Variants in PTPN23 observed in about 807,000 individuals in gnomAD.
The protein encoded by PTPN23 is protein tyrosine phosphatase non-receptor type 23.
Under a neutral mutation model 156.3 loss-of-function variants are expected in PTPN23, and 72 were observed. The observed-to-expected ratio is 0.46, with a 90% CI of 0.38 to 0.56. The LOEUF (loss-of-function observed/expected upper bound fraction) is 0.56, where lower values mean the gene tolerates loss of function less well. PTPN23 is among the 20% of genes least tolerant of loss of function. The probability of loss-of-function intolerance (pLI) is 0.00; values close to 1 mark genes in which losing one functional copy is unlikely to be tolerated. For missense variants in PTPN23, 1,974 were observed against 2,171.5 expected (o/e 0.91, Z 1.81); for synonymous variants, 957 against 899.6 (o/e 1.06, Z -1.14).
chr3:47,409,403 C>G lies in PTPN23; in HGVS notation c.1798-14C>G, dbSNP rs1705210443. The G allele has an allele frequency of 1.9e-6, 3 of 1,613,984 alleles. No homozygotes were observed. Among genetic ancestry groups the G allele is most frequent in the East Asian group, 2.2e-5 (1 of 44,876 alleles). On this transcript the variant is annotated splice_polypyrimidine_tract_variant and intron_variant, in intron 17 of 24. Transcript: ENST00000265562. Reference sequence around the variant, plus strand: ...GCCCTGAGTGTCCGTCCCTGGCCCCCACCCCTTCCTCAGAAGTTGTTCGAG... The same window carrying G: ...GCCCTGAGTGTCCGTCCCTGGCCCCGACCCCTTCCTCAGAAGTTGTTCGAG...
chr3:47,394,636 G>C (rs1412491321), intron 1 of PTPN23, among the ~76,000 whole-genome samples: 1 of 152,154 alleles, frequency 6.6e-6, no homozygotes, highest in East Asian at 1.9e-4. Context: ...ACCTCACCCG[G>C]CCAGGAACAG....
intron 2 of PTPN23, among the ~76,000 whole-genome samples, chr3:47,399,054 G>A (rs149261344): frequency 2.6e-4 from 39 of 152,380 alleles, no homozygotes; most frequent in African/African-American, 9.1e-4. Flanking sequence ...TCCCTTGGAA[G>A]TTCCTTCAGC....
rs574435224 is a variant in PTPN23, at chr3:47,410,022, C to G, written c.2224C>G (p.Pro742Ala). Residue 742 changes from proline to alanine, a missense_variant, in exon 20 of 25, where the codon CCT becomes GCT. Physicochemically the swap from Pro to Ala is conservative, Grantham distance 27 (BLOSUM62 -1). Transcript: ENST00000265562. Reference sequence around the variant, plus strand: ...TGAGGCAGTGGAAGCAGGAGACCCCCCTGAGGAGCTGCGCAGCCTCCCCCC... The same window carrying G: ...TGAGGCAGTGGAAGCAGGAGACCCCGCTGAGGAGCTGCGCAGCCTCCCCCC... ...ESEAVEAGDP[P>A]EELRSLPPDM... 1 of 1,610,426 alleles carries G rather than the reference C, an allele frequency of 6.2e-7. No individual in the cohort carries two copies. Among genetic ancestry groups the G allele is most frequent in the Admixed American group, 1.7e-5 (1 of 59,474 alleles).
At position 47,411,696 on chromosome 3, in the gene PTPN23, G is replaced by T. The variant is rs1380232338; in HGVS notation, c.3888+10G>T. 1 of 1,599,808 alleles carries T rather than the reference G, an allele frequency of 6.3e-7. No homozygotes were observed. Among genetic ancestry groups the T allele is most frequent in the Admixed American group, 1.7e-5 (1 of 59,644 alleles). The stretch of plus-strand genomic sequence containing the variant: ...GGCTGAGATGGAGAAGGTGAGAAGA[G>T]GGGGTGGGTGCCCACGAGGGCAGTG... On this transcript the variant is annotated intron_variant, in intron 20 of 24. Coordinates refer to ENST00000265562, the MANE Select transcript of PTPN23 (RefSeq NM_015466.4). This position sits in a 1 kb window ranked among gnomAD's most constrained non-coding sequence, Gnocchi z 6.3.
At chr3:47,384,856 G>T (rs12497225) in intron 1 of PTPN23, among the ~76,000 whole-genome samples, 57,460 of 151,576 alleles carry the variant, frequency 0.38, 11,253 homozygotes, top group East Asian at 0.53. Flanking sequence ...TCTGCCTCCC[G>T]GGTTCAAGCG....
At position 47,410,530 on chromosome 3, in the gene PTPN23, C is replaced by A. The variant is rs756011572; in HGVS notation, c.2732C>A (p.Pro911His). 6.2e-7 allele frequency: 1 copy of A among 1,611,156 alleles called. No homozygotes were observed. Among genetic ancestry groups the A allele is most frequent in the South Asian group, 1.1e-5 (1 of 90,830 alleles). ...PTPAPPPPCF[P>H]VPPPQPLPTP... Reference sequence around the variant, plus strand: ...CCTGCTCCTCCCCCGCCCTGCTTCCCTGTGCCCCCACCGCAGCCACTGCCC... The same window carrying A: ...CCTGCTCCTCCCCCGCCCTGCTTCCATGTGCCCCCACCGCAGCCACTGCCC... Residue 911 changes from proline (P) to histidine (H), a missense_variant, in exon 20 of 25, where the codon CCT becomes CAT. Transcript: ENST00000265562.
Position 47,410,062 on chromosome 3 carries a change from G to A in PTPN23, c.2264G>A (p.Gly755Asp). 1 of 1,611,302 alleles carries A rather than the reference G, an allele frequency of 6.2e-7. No individual in the cohort carries two copies. Among genetic ancestry groups the A allele is most frequent in the South Asian group, 1.1e-5 (1 of 90,478 alleles). ...LRSLPPDMVA[G>D]PRLPDTFLGS... Reference sequence around the variant, plus strand: ...AGCCTCCCCCCTGACATGGTGGCTGGCCCACGACTGCCTGACACCTTCCTG... The same window carrying A: ...AGCCTCCCCCCTGACATGGTGGCTGACCCACGACTGCCTGACACCTTCCTG... The change falls in exon 20 of 25, where the codon GGC (glycine) becomes GAC (aspartate). Residue 755 changes from glycine to aspartate, a missense_variant. This residue lies in a region of PTPN23 where 731 missense variants were observed against 669.1 expected (regional missense o/e 1.09). Coordinates refer to ENST00000265562, the MANE Select transcript of PTPN23 (RefSeq NM_015466.4).
intron 1 of PTPN23, among the ~76,000 whole-genome samples, chr3:47,394,214 C>A (rs1268055749): frequency 6.6e-6 from 1 of 152,082 alleles, no homozygotes; most frequent in African/African-American, 2.4e-5. Flanking sequence ...CAATCATTTG[C>A]TGAGTATACA....
intron 1 of PTPN23, among the ~76,000 whole-genome samples, chr3:47,385,907 C>G (rs1704643246): frequency 6.6e-6 from 1 of 152,172 alleles, no homozygotes. Flanking sequence ...GTCTCTCTAA[C>G]TTCACTCCCC....
At position 47,407,301 on chromosome 3, in the gene PTPN23, C is replaced by T. The variant is rs748872609; in HGVS notation, c.865-8C>T. 4 of 1,613,870 alleles carry T rather than the reference C, an allele frequency of 2.5e-6. No individual in the cohort carries two copies. Among genetic ancestry groups the T allele is most frequent in the Non-Finnish European group, 3.4e-6 (4 of 1,179,872 alleles). On this transcript the variant is annotated splice_polypyrimidine_tract_variant and splice_region_variant and intron_variant, in intron 10 of 24. Coordinates refer to ENST00000265562, the MANE Select transcript of PTPN23 (RefSeq NM_015466.4). This position sits in a 1 kb window ranked among gnomAD's most constrained non-coding sequence, Gnocchi z 4.0. ...GCTAAGGCCCCACCCCTGTCCCTAACCCCACAGGGCCAGCCTGACACTGTG... is the reference window on the plus strand; with the variant it reads ...GCTAAGGCCCCACCCCTGTCCCTAATCCCACAGGGCCAGCCTGACACTGTG...
rs1705311300 is a variant in PTPN23 at position 47,412,000 on chromosome 3, T to C, written c.4073+33T>C. ...CACTGCTCTGGATGGTGGTTGGGGG[T>C]CTAAGTGCTGTCCAGTCCTTGGTGC... On this transcript the variant is annotated intron_variant, in intron 21 of 24. Coordinates refer to ENST00000265562, the MANE Select transcript of PTPN23 (RefSeq NM_015466.4). This position sits in a 1 kb window ranked among gnomAD's most constrained non-coding sequence, Gnocchi z 6.3. 3 of 1,605,716 alleles carry C rather than the reference T, an allele frequency of 1.9e-6. No individual in the cohort carries two copies. The highest frequency in any genetic ancestry group is 2.6e-6 in the Non-Finnish European group (3 of 1,175,462).
At position 47,407,284 on chromosome 3, in the gene PTPN23, C is replaced by A. The variant is rs1705150507; in HGVS notation, c.865-25C>A. 3 of 1,613,684 alleles carry A rather than the reference C, an allele frequency of 1.9e-6. No individual in the cohort carries two copies. The South Asian group carries it at 3.3e-5, about 18-fold the overall frequency. On this transcript the variant is annotated intron_variant, in intron 10 of 24. Transcript: ENST00000265562. This position sits in a 1 kb window ranked among gnomAD's most constrained non-coding sequence, Gnocchi z 4.0. ...TGCCAGCCTTGGTTAGTGCTAAGGC[C>A]CCACCCCTGTCCCTAACCCCACAGG...
chr3:47,395,753 A>G (rs999508929), intron 1 of PTPN23, among the ~76,000 whole-genome samples: 1 of 152,112 alleles, frequency 6.6e-6, no homozygotes. Flanking sequence ...TGCAGTTGCT[A>G]TCAGCTTAGG....
At chr3:47,396,868 G>A (rs918498515) in intron 2 of PTPN23, among the ~76,000 whole-genome samples, 1 of 152,200 alleles carries the variant, frequency 6.6e-6, no homozygotes, top group Non-Finnish European at 1.5e-5. Context: ...TGGGACTGCA[G>A]TGAGCCAACC....
chr3:47,403,945 G>T (rs1469176653), intron 2 of PTPN23, among the ~76,000 whole-genome samples: 4 of 152,228 alleles, frequency 2.6e-5, no homozygotes, highest in Non-Finnish European at 5.9e-5. Flanking sequence ...AGAACTGTAG[G>T]TCATGCTGAG....
At chr3:47,397,144 A>T (rs985627585) in intron 2 of PTPN23, among the ~76,000 whole-genome samples, 2 of 152,198 alleles carry the variant, frequency 1.3e-5, no homozygotes, top group African/African-American at 4.8e-5. Context: ...CTATGGGTGC[A>T]ATTCATGGCA....
chr3:47,404,307 C>T (rs1390315560), intron 2 of PTPN23, among the ~76,000 whole-genome samples: 2 of 151,930 alleles, frequency 1.3e-5, no homozygotes, highest in Non-Finnish European at 2.9e-5. Flanking sequence ...TGGCGTGTGC[C>T]TGTAGTCTCA....
At position 47,410,532 on chromosome 3, in the gene PTPN23, GTGCCCCCACCGCAGCCAC is replaced by G; in HGVS notation, c.2740_2757del (p.Pro914_Pro919del). The stretch of plus-strand genomic sequence containing the variant: ...TGCTCCTCCCCCGCCCTGCTTCCCT[GTGCCCCCACCGCAGCCAC>G]TGCCCACGCCTTACACCTACCCTGC... On this transcript the variant is annotated inframe_deletion, in exon 20 of 25. Coordinates refer to ENST00000265562, the MANE Select transcript of PTPN23 (RefSeq NM_015466.4). 6.5e-7 allele frequency: 1 copy of G among 1,538,426 alleles called. No homozygotes were observed. Among genetic ancestry groups the G allele is most frequent in the Non-Finnish European group, 8.7e-7 (1 of 1,147,602 alleles).
intron 2 of PTPN23, among the ~76,000 whole-genome samples, chr3:47,402,961 C>T (rs966912530): frequency 6.6e-6 from 1 of 152,144 alleles, no homozygotes; most frequent in Admixed American, 6.5e-5. Context: ...CCGCCTTGGC[C>T]TCCCAAAGTG....
Sources: gnomAD v4.1 joint callset for allele counts (sites outside exome capture counted in the v4.1 genomes callset) on GRCh38, gnomAD v4.1.1 for gene constraint, gnomAD v4.1.1 regional missense constraint, Gnocchi (gnomAD v3.1) non-coding constraint, MANE v1.5 for transcripts, NCBI Gene and HGNC (gene_info 2026-07-23, HGNC 2026-07-21) for gene names.